GBE1: variants seen among roughly 807,000 people sequenced by gnomAD.
The protein encoded by GBE1 is 1,4-alpha-glucan branching enzyme 1.
In GBE1, 70 loss-of-function variants were observed where a neutral mutation model predicts 88.8. The ratio of observed to expected loss-of-function variants is 0.79; its 90% confidence interval spans 0.65 to 0.96. GBE1 has a LOEUF of 0.96. Ranked by LOEUF, GBE1 falls within the 40% of genes least tolerant of loss-of-function variation. The pLI is 0.00. For missense variants in GBE1, 872 were observed against 871.0 expected, an observed-to-expected ratio of 1.00 and a Z score of -0.01; for synonymous variants, 284 against 300.1, an observed-to-expected ratio of 0.95 and a Z score of 0.56.
At chr3:81,735,218 A>C (rs1477511518) in intron 1 of GBE1, among the ~76,000 whole-genome samples, 2 of 152,290 alleles carry the variant, frequency 1.3e-5, no homozygotes, top group East Asian at 3.9e-4. Flanking sequence ...GATTAGGATT[A>C]TGTTACTCCA....
chr3:81,548,939 A>C (rs150336596), intron 12 of GBE1, among the ~76,000 whole-genome samples: 6 of 151,174 alleles, frequency 4.0e-5, no homozygotes, highest in African/African-American at 1.4e-4. Flanking sequence ...TTTGACAATT[A>C]AGTAAAGTAT....
chr3:81,570,691 G>A (rs1415888110), intron 12 of GBE1, among the ~76,000 whole-genome samples: 3 of 152,146 alleles, frequency 2.0e-5, no homozygotes, highest in Non-Finnish European at 4.4e-5. Context: ...CATAAAGGAT[G>A]TTATAGGCCT....
At chr3:81,746,143 A>G (rs1212512891) in intron 1 of GBE1, among the ~76,000 whole-genome samples, 1 of 152,226 alleles carries the variant, frequency 6.6e-6, no homozygotes, top group Non-Finnish European at 1.5e-5. Context: ...TTTTTAAAGT[A>G]ATAGGTGTTT....
intron 2 of GBE1, among the ~76,000 whole-genome samples, chr3:81,671,213 CTCTAATACT>C (rs1705184807): frequency 1.3e-5 from 2 of 152,132 alleles, no homozygotes; most frequent in Non-Finnish European, 2.9e-5. Flanking sequence ...GTGGTTTCAA[CTCTAATACT>C]TCTGTCAATA....
At chr3:81,640,438 T>C (rs1704656150) in intron 7 of GBE1, among the ~76,000 whole-genome samples, 1 of 152,056 alleles carries the variant, frequency 6.6e-6, no homozygotes, top group Non-Finnish European at 1.5e-5. Context: ...GCTTTTGGAC[T>C]CTTGGGCCTT....
At chr3:81,564,589 T>TG (rs1703466601) in intron 12 of GBE1, among the ~76,000 whole-genome samples, 1 of 152,058 alleles carries the variant, frequency 6.6e-6, no homozygotes, top group African/African-American at 2.4e-5. Flanking sequence ...TAAATGTGGG[T>TG]GGGTAGAAAA....
intron 1 of GBE1, among the ~76,000 whole-genome samples, chr3:81,756,881 A>G (rs1463655828): frequency 6.6e-6 from 1 of 152,206 alleles, no homozygotes; most frequent in Non-Finnish European, 1.5e-5. Context: ...ACATTTGTTA[A>G]ATGTTTCTCT....
At chr3:81,544,911 T>C (rs1484718438) in intron 12 of GBE1, among the ~76,000 whole-genome samples, 1 of 152,210 alleles carries the variant, frequency 6.6e-6, no homozygotes. Flanking sequence ...TTTTTTTCTG[T>C]AAACTGTAAT....
At position 81,516,152 on chromosome 3, in the gene GBE1, A is replaced by G. The variant is rs553290741; in HGVS notation, c.1935-16925T>C. Among the ~76,000 whole-genome samples, 3 of 151,810 alleles carry G rather than the reference A, an allele frequency of 2.0e-5. No homozygotes were observed. In the East Asian group the frequency reaches 5.8e-4, roughly 29 times the overall value. On this transcript the variant is annotated intron_variant, in intron 14 of 15. Transcript: ENST00000429644. ...TTGAAAGATGCCATCTGGGACTTTC[A>G]TAACTACTGGGAAGACAGTATCTGG...
chr3:81,682,387 A>G (rs1705359622), intron 2 of GBE1, among the ~76,000 whole-genome samples: 1 of 152,148 alleles, frequency 6.6e-6, no homozygotes, highest in Non-Finnish European at 1.5e-5. Context: ...GATTGAGCCC[A>G]GAAGGTCAAG....
chr3:81,646,302 C>T (rs1319245533), intron 6 of GBE1, 90 bp downstream of exon 6: 4 of 836,416 alleles, frequency 4.8e-6, no homozygotes, highest in East Asian at 2.5e-5. Context: ...TAAAAGGTTA[C>T]ACGATGTTAT....
chr3:81,714,275 G>C (rs948378012), intron 1 of GBE1, among the ~76,000 whole-genome samples: 1 of 152,128 alleles, frequency 6.6e-6, no homozygotes, highest in Non-Finnish European at 1.5e-5. Flanking sequence ...AAAATGGTTA[G>C]AGTTAGGTTT....
chr3:81,749,268 C>G (rs1161097852), intron 1 of GBE1, among the ~76,000 whole-genome samples: 1 of 149,314 alleles, frequency 6.7e-6, no homozygotes, highest in Non-Finnish European at 1.5e-5. Context: ...CACTAAGTGA[C>G]AAAAAGGAAC....
At chr3:81,586,972 G>T (rs1417596542) in intron 9 of GBE1, among the ~76,000 whole-genome samples, 1 of 151,780 alleles carries the variant, frequency 6.6e-6, no homozygotes, top group East Asian at 1.9e-4. Flanking sequence ...TTATATTTTT[G>T]ATAGAGATGG....
intron 1 of GBE1, among the ~76,000 whole-genome samples, chr3:81,706,172 G>A (rs758380382): frequency 2.8e-4 from 42 of 152,180 alleles, no homozygotes; most frequent in Admixed American, 5.2e-4. Flanking sequence ...GGGTGTGGCT[G>A]TGTTCCAATA....
At chr3:81,743,910 T>A (rs1286355136) in intron 1 of GBE1, among the ~76,000 whole-genome samples, 1 of 152,158 alleles carries the variant, frequency 6.6e-6, no homozygotes, top group Non-Finnish European at 1.5e-5. Context: ...CATATCTCCA[T>A]GTTTACACTT....
intron 14 of GBE1, among the ~76,000 whole-genome samples, chr3:81,513,634 T>C (rs764016960): frequency 2.0e-5 from 3 of 151,590 alleles, no homozygotes; most frequent in Non-Finnish European, 4.4e-5. Flanking sequence ...TTAGTACCTA[T>C]TTGTCTTTCT....
rs918084353 is a variant in GBE1, at chr3:81,489,745, T to G, written c.*662A>C. 6.6e-6 allele frequency: 1 copy of G among 152,162 alleles called. No individual in the cohort carries two copies. Among genetic ancestry groups the G allele is most frequent in the African/African-American group, 2.4e-5 (1 of 41,450 alleles). 9.4% of individuals were successfully genotyped at this position (152,162 alleles called of 1,614,324 possible). A position where few individuals can be genotyped will look rare whatever the true frequency, so the allele number is the denominator to read the frequency against. On this transcript the variant is annotated 3_prime_UTR_variant, in exon 16 of 16. Transcript: ENST00000429644. ...ATTGATTGAAATGAAAGACATTTTC[T>G]GAAATGCTACAATTACCATTTCAGG...
At chr3:81,711,039 A>G (rs530350995) in intron 1 of GBE1, among the ~76,000 whole-genome samples, 52 of 152,254 alleles carry the variant, frequency 3.4e-4, no homozygotes, top group Middle Eastern at 6.8e-3. Context: ...AAAATGAAAC[A>G]AACTAAAATC....
Sources: gnomAD v4.1 joint callset for allele counts (sites outside exome capture counted in the v4.1 genomes callset) on GRCh38, gnomAD v4.1.1 for gene constraint, MANE v1.5 for transcripts, NCBI Gene and HGNC (gene_info 2026-07-23, HGNC 2026-07-21) for gene names.